The following SGCZ variants were observed in gnomAD, a reference collection of about 807,000 sequenced individuals.
The protein encoded by SGCZ is zeta-sarcoglycan.
A neutral mutation model predicts 41.3 loss-of-function variants in SGCZ; 40 were observed. That is an observed-to-expected ratio of 0.97 (90% CI 0.75 to 1.26). The LOEUF (loss-of-function observed/expected upper bound fraction) is 1.26. SGCZ is among the 50% of genes most tolerant of loss of function. The pLI, the probability that SGCZ is intolerant of heterozygous loss-of-function variation, is 0.00. For missense variants in SGCZ, 552 were observed against 369.8 expected (o/e 1.49, Z -4.04); for synonymous variants, 206 against 137.5 (o/e 1.50, Z -3.49).
chr8:14,606,289 T>G (rs1481792242), intron 1 of SGCZ, among the ~76,000 whole-genome samples: 1 of 152,114 alleles, frequency 6.6e-6, no homozygotes, highest in Non-Finnish European at 1.5e-5. Context: ...TCTTGCTTCA[T>G]ATTCACTAAT....
At chr8:14,702,812 GGTAGATAGATAGATAGATAGA>G (rs1809189829) in intron 1 of SGCZ, among the ~76,000 whole-genome samples, 3 of 118,366 alleles carry the variant, frequency 2.5e-5, no homozygotes, top group African/African-American at 8.9e-5. Context: ...TAGGTAGTTA[GGTAGATAGATAGATAGATAGA>G]TAGATAGATA....
At chr8:14,842,541 G>A (rs1334246247) in intron 1 of SGCZ, among the ~76,000 whole-genome samples, 1 of 151,980 alleles carries the variant, frequency 6.6e-6, no homozygotes, top group East Asian at 1.9e-4. Flanking sequence ...CAAAAATAGG[G>A]AGGGAGAGAG....
At chr8:15,053,841 AT>A (rs1177970815) in intron 1 of SGCZ, among the ~76,000 whole-genome samples, 1 of 152,186 alleles carries the variant, frequency 6.6e-6, no homozygotes, top group African/African-American at 2.4e-5. Flanking sequence ...ACACACACTT[AT>A]GAGTTTGACA....
chr8:15,084,699 C>A (rs182783915), intron 1 of SGCZ, among the ~76,000 whole-genome samples: 1 of 152,156 alleles, frequency 6.6e-6, no homozygotes, highest in Non-Finnish European at 1.5e-5. Flanking sequence ...TTGCAGTGAG[C>A]CAAGATCATG....
chr8:14,319,819 C>G (rs943854433), intron 3 of SGCZ, among the ~76,000 whole-genome samples: 7 of 151,980 alleles, frequency 4.6e-5, no homozygotes, highest in East Asian at 1.9e-4. Context: ...CATCTCCAAT[C>G]ACACTGCAGG....
At chr8:14,949,910 T>C (rs1397705435) in intron 1 of SGCZ, among the ~76,000 whole-genome samples, 3 of 152,088 alleles carry the variant, frequency 2.0e-5, no homozygotes, top group Non-Finnish European at 4.4e-5. Context: ...GTTAAGGTAA[T>C]TCATGTTTAA....
At chr8:14,099,036 T>TTTTATAATAGATAAATTGATTC (rs1801930545) in intron 7 of SGCZ, among the ~76,000 whole-genome samples, 1 of 152,224 alleles carries the variant, frequency 6.6e-6, no homozygotes, top group Non-Finnish European at 1.5e-5. Flanking sequence ...AAAAGTCATT[T>TTTTATAATAGATAAATTGATTC]TTTATAATAG....
chr8:14,132,347 C>T (rs938131065), intron 5 of SGCZ, among the ~76,000 whole-genome samples: 2 of 152,162 alleles, frequency 1.3e-5, no homozygotes, highest in African/African-American at 4.8e-5. Context: ...GTACACAACA[C>T]ATGATTGCAA....
At chr8:14,832,038 CAG>C (rs1250597097) in intron 1 of SGCZ, among the ~76,000 whole-genome samples, 1 of 152,016 alleles carries the variant, frequency 6.6e-6, no homozygotes, top group East Asian at 1.9e-4. Context: ...GCAACAGAAA[CAG>C]ATTAACAAAC....
chr8:14,713,493 A>C (rs1229544948), intron 1 of SGCZ, among the ~76,000 whole-genome samples: 1 of 152,170 alleles, frequency 6.6e-6, no homozygotes, highest in African/African-American at 2.4e-5. Flanking sequence ...ATACTAGGAT[A>C]AAACTGACCA....
At chr8:14,393,784 T>C (rs1354263194) in intron 2 of SGCZ, among the ~76,000 whole-genome samples, 3 of 152,164 alleles carry the variant, frequency 2.0e-5, no homozygotes, top group African/African-American at 4.8e-5. Context: ...CAATATCCTA[T>C]ATTTATAAAC....
intron 2 of SGCZ, among the ~76,000 whole-genome samples, chr8:14,377,492 A>AT (rs140859460): frequency 0.045 from 6,798 of 151,250 alleles, 490 homozygotes; most frequent in African/African-American, 0.15. Flanking sequence ...AGAACCCTTG[A>AT]TTTTTTTTTA....
intron 2 of SGCZ, among the ~76,000 whole-genome samples, chr8:14,325,956 C>A (rs1434784337): frequency 1.6e-4 from 24 of 147,388 alleles, no homozygotes; most frequent in Admixed American, 1.6e-3. Context: ...ACTAAAAATA[C>A]AAAAAATTAG....
chr8:15,024,935 C>CAAAT (rs71209100), intron 1 of SGCZ, among the ~76,000 whole-genome samples: 53,549 of 142,334 alleles, frequency 0.38, 11,083 homozygotes, highest in Admixed American at 0.47. Flanking sequence ...GACTCCGTCT[C>CAAAT]AAATAAATAA....
intron 1 of SGCZ, among the ~76,000 whole-genome samples, chr8:15,027,432 T>C (rs1490517403): frequency 1.3e-5 from 2 of 152,080 alleles, no homozygotes. Flanking sequence ...GAATATACCA[T>C]ATCCATGACA....
chr8:14,200,751 A>G (rs758571949), intron 4 of SGCZ, among the ~76,000 whole-genome samples: 3 of 152,172 alleles, frequency 2.0e-5, no homozygotes, highest in Non-Finnish European at 4.4e-5. Context: ...CAATGATCTT[A>G]TTAACTATGG....
intron 1 of SGCZ, among the ~76,000 whole-genome samples, chr8:14,844,229 A>G (rs1803023119): frequency 6.6e-6 from 1 of 152,138 alleles, no homozygotes; most frequent in Non-Finnish European, 1.5e-5. Context: ...GTAAGCATAT[A>G]AGTGCTATCT....
rs966674933 is a variant in SGCZ at position 14,781,309 on chromosome 8, G to A, written c.40-226383C>T. ...TGCAATGGCGCCATCTTGGCTCACT[G>A]AAACGTCAGCCTCCCAGGTTCTAGC... On this transcript the variant is annotated intron_variant, in intron 1 of 7. Coordinates refer to ENST00000382080, the MANE Select transcript of SGCZ (RefSeq NM_139167.4). Among the ~76,000 whole-genome samples the A allele has an allele frequency of 2.0e-5, 3 of 152,284 alleles. 1 individual carries two copies. The highest frequency in any genetic ancestry group is 6.5e-5 in the Admixed American group (1 of 15,292).
intron 1 of SGCZ, chr8:14,853,386 C>A (rs1050678410): frequency 3.8e-5 from 19 of 504,112 alleles, no homozygotes; most frequent in Non-Finnish European, 8.0e-5. Flanking sequence ...TCCCTTGGGA[C>A]CTACGCTGGA....
Sources: allele counts gnomAD v4.1 joint callset (sites outside exome capture counted in the v4.1 genomes callset), GRCh38; gene constraint gnomAD v4.1.1; transcripts MANE v1.5; gene names NCBI Gene and HGNC (gene_info 2026-07-23, HGNC 2026-07-21).